Variants in BPIFC observed in about 807,000 individuals in gnomAD.
BPIFC encodes BPI fold-containing family C protein.
A neutral mutation model predicts 57.6 loss-of-function variants in BPIFC; 60 were observed. The observed-to-expected ratio is 1.04, with a 90% CI of 0.85 to 1.29. The LOEUF (loss-of-function observed/expected upper bound fraction) is 1.29. Ranked by LOEUF, BPIFC falls within the 50% of genes most tolerant of loss-of-function variation. The probability of loss-of-function intolerance (pLI) is 0.00; values close to 1 mark genes in which losing one functional copy is unlikely to be tolerated. For missense variants in BPIFC, 581 were observed against 600.5 expected (o/e 0.97, Z 0.34); for synonymous variants, 243 against 224.5 (o/e 1.08, Z -0.74).
In BPIFC at chr22:32,431,481, C is replaced by G; in HGVS notation, c.1150-67G>C. The G allele has an allele frequency of 2.7e-6, 3 of 1,104,834 alleles. 1 individual carries two copies. The highest frequency in any genetic ancestry group is 4.1e-6 in the Non-Finnish European group (3 of 734,818). The allele number at this position is 1,104,834 out of a possible 1,614,324, so 68.4% of individuals were successfully genotyped here. A position where few individuals can be genotyped will look rare whatever the true frequency, so the allele number is the denominator to read the frequency against. ...TCAATTTTGGCCATCAGTATAATTT[C>G]CAATAGTTGAAACATTATAAGCCCA... On this transcript the variant is annotated intron_variant, in intron 12 of 16. Transcript: ENST00000300399.
chr22:32,453,572 C>T, intron 3 of BPIFC, 69 bp from the exon 4 acceptor site: 1 of 1,475,124 alleles, frequency 6.8e-7, no homozygotes, highest in Non-Finnish European at 9.0e-7. Flanking sequence ...ACATTAACCA[C>T]ACAAATACAA....
chr22:32,461,482 G>T, intron 2 of BPIFC, 92 bp downstream of exon 2: 1 of 620,864 alleles, frequency 1.6e-6, no homozygotes, highest in Non-Finnish European at 2.0e-6. Context: ...GAGGAAATGT[G>T]GTGAGTGGGA....
intron 2 of BPIFC, among the ~76,000 whole-genome samples, chr22:32,461,044 C>T (rs1031180446): frequency 6.6e-5 from 10 of 152,134 alleles, no homozygotes; most frequent in African/African-American, 2.2e-4. Flanking sequence ...TCCATCGAAA[C>T]AGATGTTGGC....
chr22:32,416,812 G>A (rs1933692521), intron 15 of BPIFC, among the ~76,000 whole-genome samples: 1 of 152,182 alleles, frequency 6.6e-6, no homozygotes, highest in Non-Finnish European at 1.5e-5. Context: ...TAAGGAGCAT[G>A]GTTTCAATCT....
intron 3 of BPIFC, among the ~76,000 whole-genome samples, chr22:32,456,937 T>C (rs35380742): frequency 0.073 from 11,044 of 152,186 alleles, 432 homozygotes; most frequent in Admixed American, 0.08. Context: ...CCCCAAGGTG[T>C]TACTTTTACT....
intron 4 of BPIFC, among the ~76,000 whole-genome samples, chr22:32,452,195 C>A (rs530082950): frequency 6.6e-6 from 1 of 152,304 alleles, no homozygotes; most frequent in Non-Finnish European, 1.5e-5. Flanking sequence ...AGCCACTGAG[C>A]CCAGCCTAAT....
chr22:32,449,291 T>C (rs1342780825), intron 4 of BPIFC, among the ~76,000 whole-genome samples: 2 of 152,254 alleles, frequency 1.3e-5, no homozygotes, highest in Admixed American at 1.3e-4. Flanking sequence ...TCAAAAGAAG[T>C]GCTACTCACA....
At chr22:32,414,539 T>C in intron 16 of BPIFC, 114 bp from the exon 17 acceptor site, 114 of 1,143,504 alleles carry the variant, frequency 1.0e-4, no homozygotes, top group Non-Finnish European at 1.2e-4. Context: ...TGAGATGGAG[T>C]CTCAAAGGCT....
At chr22:32,433,221 A>G (rs1934297934) in intron 11 of BPIFC, among the ~76,000 whole-genome samples, 1 of 152,054 alleles carries the variant, frequency 6.6e-6, no homozygotes, top group Admixed American at 6.6e-5. Flanking sequence ...AACAAACAAA[A>G]ACAAATCTAG....
chr22:32,428,574 C>A (rs1601452643), intron 13 of BPIFC, among the ~76,000 whole-genome samples: 2 of 151,630 alleles, frequency 1.3e-5, no homozygotes, highest in Non-Finnish European at 2.9e-5. Context: ...TCTGGGAAAC[C>A]ATACTACTTT....
chr22:32,445,735 A>AAAAAAT, intron 6 of BPIFC, 37 bp from the exon 7 acceptor site: 5 of 1,520,376 alleles, frequency 3.3e-6, no homozygotes, highest in Non-Finnish European at 3.5e-6. Flanking sequence ...AAAAAAAAAA[A>AAAAAAT]GAGGTTACTC....
chr22:32,433,194 C>G (rs1000156191), intron 11 of BPIFC, among the ~76,000 whole-genome samples: 4 of 152,164 alleles, frequency 2.6e-5, no homozygotes, highest in African/African-American at 9.7e-5. Flanking sequence ...CAGAGCGAGA[C>G]CCTGTCTCAA....
intron 13 of BPIFC, among the ~76,000 whole-genome samples, chr22:32,426,488 G>A (rs980703189): frequency 1.1e-4 from 17 of 152,106 alleles, no homozygotes; most frequent in South Asian, 4.1e-4. Context: ...CACCTGCCTT[G>A]CCCCCAGCCT....
chr22:32,444,803 A>T (rs1034561246), intron 7 of BPIFC, among the ~76,000 whole-genome samples: 3 of 152,158 alleles, frequency 2.0e-5, no homozygotes, highest in African/African-American at 7.2e-5. Flanking sequence ...ATCTCCCAGG[A>T]CACTTCCAGG....
At position 32,445,594 on chromosome 22, in the gene BPIFC, AATGGC is replaced by A. The variant is rs1423502651; in HGVS notation, c.594+36_594+40del. 2.7e-6 allele frequency: 4 copies of A among 1,490,912 alleles called. 1 individual carries two copies. In the South Asian group the frequency reaches 3.6e-5, roughly 13 times the overall value. 92.4% of individuals were successfully genotyped at this position (1,490,912 alleles called of 1,614,324 possible). Reference sequence around the variant, plus strand: ...ATTAAAGGATGATAGAACTTCTACTAATGGCATTTTACTGTGGTTGCCTAACCTCT... The same window carrying A: ...ATTAAAGGATGATAGAACTTCTACTAATTTTACTGTGGTTGCCTAACCTCT... On this transcript the variant is annotated intron_variant, in intron 7 of 16. Coordinates refer to ENST00000300399, the MANE Select transcript of BPIFC (RefSeq NM_174932.3).
At chr22:32,436,857 C>T (rs950963646) in intron 9 of BPIFC, among the ~76,000 whole-genome samples, 2 of 152,070 alleles carry the variant, frequency 1.3e-5, no homozygotes, top group South Asian at 2.1e-4. Flanking sequence ...AGCTATAGGG[C>T]GTTATTACAA....
At chr22:32,460,100 A>T (rs1935131879) in intron 2 of BPIFC, among the ~76,000 whole-genome samples, 1 of 152,272 alleles carries the variant, frequency 6.6e-6, no homozygotes, top group Admixed American at 6.5e-5. Context: ...AATGTATATA[A>T]AGGGACTTCT....
At chr22:32,435,561 C>A in intron 10 of BPIFC, 143 bp downstream of exon 10, 1 of 792,304 alleles carries the variant, frequency 1.3e-6, no homozygotes, top group Non-Finnish European at 1.9e-6. Flanking sequence ...TCCACAATTC[C>A]CTCATTCCTT....
At chr22:32,447,136 T>G in intron 5 of BPIFC, 76 bp downstream of exon 5, 1 of 1,431,094 alleles carries the variant, frequency 7.0e-7, no homozygotes, top group South Asian at 1.7e-5. Flanking sequence ...GCCAAAAACA[T>G]TGGTGAATTT....
Sources: allele counts gnomAD v4.1 joint callset (sites outside exome capture counted in the v4.1 genomes callset), GRCh38; gene constraint gnomAD v4.1.1; transcripts MANE v1.5; gene names NCBI Gene and HGNC (gene_info 2026-07-23, HGNC 2026-07-21).